ESRRG: variants seen among roughly 807,000 people sequenced by gnomAD.
ESRRG encodes estrogen-related receptor gamma.
A neutral mutation model predicts 44.0 loss-of-function variants in ESRRG; 13 were observed. The ratio of observed to expected loss-of-function variants is 0.30; its 90% confidence interval spans 0.19 to 0.47. The LOEUF is 0.47. ESRRG is among the 20% of genes least tolerant of loss of function. ESRRG has a pLI of 1.00. For synonymous variants in ESRRG, 215 were observed against 214.6 expected, an observed-to-expected ratio of 1.00 and a Z score of -0.02; for missense variants, 395 against 580.6, an observed-to-expected ratio of 0.68 and a Z score of 3.29.
chr1:216,953,176 A>C (rs748960265), intron 1 of ESRRG, among the ~76,000 whole-genome samples: 1 of 152,160 alleles, frequency 6.6e-6, no homozygotes, highest in Non-Finnish European at 1.5e-5. Context: ...ACACGTAATA[A>C]TTATCCATCC....
intron 1 of ESRRG, among the ~76,000 whole-genome samples, chr1:217,098,001 A>G (rs2092449143): frequency 1.3e-5 from 2 of 152,304 alleles, no homozygotes; most frequent in South Asian, 4.1e-4. Flanking sequence ...GGAACCAGGC[A>G]ATAGTATTGC....
At chr1:216,654,409 C>T (rs1199457800) in intron 2 of ESRRG, among the ~76,000 whole-genome samples, 1 of 151,920 alleles carries the variant, frequency 6.6e-6, no homozygotes, top group Non-Finnish European at 1.5e-5. Flanking sequence ...GTGGATCACT[C>T]ACTTGAGGTC....
chr1:216,600,810 G>T (rs2059113048), intron 3 of ESRRG, among the ~76,000 whole-genome samples: 1 of 152,110 alleles, frequency 6.6e-6, no homozygotes, highest in African/African-American at 2.4e-5. Context: ...TGAAATGTAC[G>T]CACAAGAGTA....
rs546971266 is a variant in ESRRG, at chr1:217,044,504, A to G, written c.-106+45003T>C. On this transcript the variant is annotated intron_variant, in intron 1 of 7. Transcript: ENST00000359162. Reference sequence around the variant, plus strand: ...TCATCTCTTGTTGGTTCCTAACGTAATTCACATACTAACTATTCCAAACCT... The same window carrying G: ...TCATCTCTTGTTGGTTCCTAACGTAGTTCACATACTAACTATTCCAAACCT... 1.1e-4 allele frequency among the ~76,000 whole-genome samples: 16 copies of G among 152,266 alleles called. No homozygotes were observed. The South Asian group carries it at 3.1e-3, about 30-fold the overall frequency.
At chr1:216,970,783 C>A (rs2071474145) in intron 1 of ESRRG, among the ~76,000 whole-genome samples, 1 of 152,140 alleles carries the variant, frequency 6.6e-6, no homozygotes, top group African/African-American at 2.4e-5. Context: ...GCTTAGATAC[C>A]TTACTCTTCT....
intron 2 of ESRRG, among the ~76,000 whole-genome samples, chr1:216,832,020 A>C (rs928670141): frequency 6.6e-6 from 1 of 152,186 alleles, no homozygotes; most frequent in African/African-American, 2.4e-5. Flanking sequence ...CTACACAGAG[A>C]CTTCAGGGTG....
intron 2 of ESRRG, among the ~76,000 whole-genome samples, chr1:216,779,708 T>C (rs979889754): frequency 6.7e-6 from 1 of 148,546 alleles, no homozygotes; most frequent in African/African-American, 2.5e-5. Flanking sequence ...TGCTAACAAT[T>C]TAGTCACAAA....
At chr1:216,734,615 T>C (rs899611275) in intron 2 of ESRRG, among the ~76,000 whole-genome samples, 3 of 152,202 alleles carry the variant, frequency 2.0e-5, no homozygotes, top group South Asian at 2.1e-4. Flanking sequence ...ATGCTTCTTG[T>C]ACAGTCTGTA....
At chr1:216,870,493 A>G (rs980247670) in intron 2 of ESRRG, among the ~76,000 whole-genome samples, 1 of 151,810 alleles carries the variant, frequency 6.6e-6, no homozygotes, top group Non-Finnish European at 1.5e-5. Context: ...TACTCTTTGG[A>G]GGCCAGGATT....
At chr1:216,810,033 G>T (rs1426716398) in intron 2 of ESRRG, among the ~76,000 whole-genome samples, 1 of 152,170 alleles carries the variant, frequency 6.6e-6, no homozygotes, top group Non-Finnish European at 1.5e-5. Flanking sequence ...AAAAAGGACA[G>T]TTCAGTTCAC....
chr1:216,912,172 A>AG (rs1560082487), intron 2 of ESRRG, among the ~76,000 whole-genome samples: 3 of 30,068 alleles, frequency 1.0e-4, no homozygotes, highest in African/African-American at 2.0e-4. Flanking sequence ...AAAGAAAAGA[A>AG]AAGAAAAGAA....
At chr1:216,848,020 G>A (rs1211371231) in intron 2 of ESRRG, among the ~76,000 whole-genome samples, 1 of 152,124 alleles carries the variant, frequency 6.6e-6, no homozygotes, top group African/African-American at 2.4e-5. Context: ...ATTCTTTGTT[G>A]TGGGAGGCTG....
intron 2 of ESRRG, among the ~76,000 whole-genome samples, chr1:216,935,287 A>T (rs915568050): frequency 6.6e-6 from 1 of 152,164 alleles, no homozygotes; most frequent in South Asian, 2.1e-4. Context: ...TTCAGACATC[A>T]ACTGAAAGTT....
chr1:217,110,425 G>A (rs929365098), intron 1 of ESRRG, among the ~76,000 whole-genome samples: 1 of 152,144 alleles, frequency 6.6e-6, no homozygotes, highest in Non-Finnish European at 1.5e-5. Flanking sequence ...CTTTCTTGAT[G>A]TGTAAGGCCA....
At chr1:216,981,652 A>T (rs2073995202) in intron 1 of ESRRG, among the ~76,000 whole-genome samples, 1 of 152,106 alleles carries the variant, frequency 6.6e-6, no homozygotes, top group Admixed American at 6.6e-5. Context: ...TTATGCTATA[A>T]TTTTTACTAC....
chr1:216,802,414 A>G (rs983915462), intron 2 of ESRRG, among the ~76,000 whole-genome samples: 3 of 152,192 alleles, frequency 2.0e-5, no homozygotes, highest in Non-Finnish European at 4.4e-5. Context: ...ATATTGCCAA[A>G]AGCTAGCTTA....
At chr1:216,814,609 C>T (rs959416427) in intron 2 of ESRRG, among the ~76,000 whole-genome samples, 3 of 152,154 alleles carry the variant, frequency 2.0e-5, no homozygotes, top group Admixed American at 2.0e-4. Flanking sequence ...TTTCTGCTAC[C>T]TTCCTCAGTC....
At chr1:216,563,555 C>G (rs557370585) in intron 5 of ESRRG, among the ~76,000 whole-genome samples, 1 of 151,952 alleles carries the variant, frequency 6.6e-6, no homozygotes, top group Non-Finnish European at 1.5e-5. Context: ...CAACTCCAAA[C>G]AAATAAAAAA....
intron 2 of ESRRG, among the ~76,000 whole-genome samples, chr1:216,774,862 C>T (rs918587811): frequency 7.4e-6 from 1 of 134,944 alleles, no homozygotes; most frequent in African/African-American, 2.9e-5. Context: ...AGTGCAGTGG[C>T]ACGAGCACAG....
Sources: allele counts gnomAD v4.1 joint callset (sites outside exome capture counted in the v4.1 genomes callset), GRCh38; gene constraint gnomAD v4.1.1; transcripts MANE v1.5; gene names NCBI Gene and HGNC (gene_info 2026-07-23, HGNC 2026-07-21).